Variants in PALM2AKAP2 observed in about 807,000 individuals in gnomAD.
PALM2AKAP2 encodes the protein PALM2 and AKAP2 fusion.
A neutral mutation model predicts 71.5 loss-of-function variants in PALM2AKAP2; 37 were observed. The ratio of observed to expected loss-of-function variants is 0.52; its 90% CI spans 0.40 to 0.68. PALM2AKAP2 has a LOEUF of 0.68. PALM2AKAP2 is among the 30% of genes least tolerant of loss of function. PALM2AKAP2 has a pLI of 0.00. For synonymous variants in PALM2AKAP2, 468 were observed against 478.8 expected, an observed-to-expected ratio of 0.98 and a Z score of 0.29; for missense variants, 1,224 against 1,191.8, an observed-to-expected ratio of 1.03 and a Z score of -0.40.
intron 1 of PALM2AKAP2, among the ~76,000 whole-genome samples, chr9:109,826,584 A>G (rs1009434259): frequency 3.3e-5 from 5 of 152,370 alleles, no homozygotes; most frequent in Admixed American, 1.3e-4. Context: ...TTGATACATT[A>G]TAATTACTTC....
chr9:110,052,422 C>T (rs1318023988), intron 1 of PALM2AKAP2, among the ~76,000 whole-genome samples: 1 of 152,174 alleles, frequency 6.6e-6, no homozygotes, highest in African/African-American at 2.4e-5. Context: ...AAATAATCCC[C>T]TCTATGAACA....
intron 1 of PALM2AKAP2, among the ~76,000 whole-genome samples, chr9:109,718,320 T>C (rs1828358323): frequency 6.6e-6 from 1 of 152,166 alleles, no homozygotes; most frequent in South Asian, 2.1e-4. Flanking sequence ...GCTCAAGAGA[T>C]CCACCTGCCT....
intron 1 of PALM2AKAP2, among the ~76,000 whole-genome samples, chr9:109,859,706 G>A (rs1019305932): frequency 1.3e-5 from 2 of 152,214 alleles, no homozygotes; most frequent in Non-Finnish European, 2.9e-5. Context: ...TCCAAACTAA[G>A]GGATGAGGAA....
At chr9:109,803,757 A>G (rs559114157) in intron 1 of PALM2AKAP2, among the ~76,000 whole-genome samples, 99 of 152,312 alleles carry the variant, frequency 6.5e-4, no homozygotes, top group African/African-American at 2.2e-3. Flanking sequence ...CCTCCACCCT[A>G]GTAGACACCT....
At chr9:109,704,991 CTTGG>C (rs1828121007) in intron 1 of PALM2AKAP2, among the ~76,000 whole-genome samples, 1 of 152,182 alleles carries the variant, frequency 6.6e-6, no homozygotes, top group African/African-American at 2.4e-5. Context: ...GCTGCAGGAC[CTTGG>C]TTGCATTTCC....
At chr9:109,726,912 A>G (rs1035126561) in intron 1 of PALM2AKAP2, among the ~76,000 whole-genome samples, 5 of 152,242 alleles carry the variant, frequency 3.3e-5, no homozygotes, top group African/African-American at 7.2e-5. Flanking sequence ...CAAACCGGAC[A>G]GTGAGATTTA....
At chr9:110,136,545 C>G in exon 2 of PALM2AKAP2, 1 of 1,613,488 alleles carries the variant, frequency 6.2e-7, no homozygotes, top group Non-Finnish European at 8.5e-7. Flanking sequence ...CCAGAACCCA[C>G]TGAAAGAACA....
rs1181394140 is a variant in PALM2AKAP2, at chr9:109,783,844, T to C, written c.45+3311T>C. Among the ~76,000 whole-genome samples the C allele has an allele frequency of 6.6e-5, 10 of 152,224 alleles. 1 individual carries two copies. The highest frequency in any genetic ancestry group is 3.9e-4 in the Admixed American group (6 of 15,288). ...TATTTCACCTTTTGCACATAATTTC[T>C]TGAAGGACAGATGTCCTGATACCTA... On this transcript the variant is annotated intron_variant, in intron 1 of 9. Coordinates refer to the PALM2AKAP2 transcript ENST00000302798.
chr9:109,872,999 A>G (rs1829639860), intron 2 of PALM2AKAP2, among the ~76,000 whole-genome samples: 1 of 152,230 alleles, frequency 6.6e-6, no homozygotes, highest in Non-Finnish European at 1.5e-5. Flanking sequence ...ACTGAAGCAT[A>G]TAACAAAATC....
chr9:110,146,664 A>G (rs1488863554), intron 2 of PALM2AKAP2, among the ~76,000 whole-genome samples: 1 of 152,126 alleles, frequency 6.6e-6, no homozygotes, highest in East Asian at 1.9e-4. Context: ...GCAGAATATG[A>G]CTGTGTCTTT....
At chr9:109,817,965 A>G (rs767599095) in intron 1 of PALM2AKAP2, among the ~76,000 whole-genome samples, 1 of 152,220 alleles carries the variant, frequency 6.6e-6, no homozygotes, top group African/African-American at 2.4e-5. Flanking sequence ...GATCTCCCAC[A>G]TGTTCCTCTG....
chr9:109,999,053 GTC>G (rs1398209003), intron 6 of PALM2AKAP2, among the ~76,000 whole-genome samples: 8 of 152,060 alleles, frequency 5.3e-5, no homozygotes, highest in African/African-American at 1.9e-4. Context: ...AGTGCTCAGG[GTC>G]TGGCTGGGCA....
At chr9:109,791,641 G>A (rs1361202338) in intron 1 of PALM2AKAP2, among the ~76,000 whole-genome samples, 2 of 152,202 alleles carry the variant, frequency 1.3e-5, no homozygotes, top group Non-Finnish European at 2.9e-5. Context: ...CCTGCTGAAT[G>A]CCTTATGTTA....
intron 1 of PALM2AKAP2, among the ~76,000 whole-genome samples, chr9:110,135,216 C>T (rs1835832708): frequency 9.9e-6 from 1 of 100,674 alleles, no homozygotes; most frequent in South Asian, 4.0e-4. Context: ...TGGCACACAC[C>T]GGTAGTCCCA....
intron 6 of PALM2AKAP2, chr9:109,944,963 A>G (rs1831468533): frequency 6.6e-6 from 1 of 152,208 alleles, no homozygotes; most frequent in Non-Finnish European, 1.5e-5. Context: ...CACAGTATAT[A>G]GTTTTGAAAA....
intron 6 of PALM2AKAP2, among the ~76,000 whole-genome samples, chr9:109,984,805 A>C (rs1041119681): frequency 6.6e-6 from 1 of 151,532 alleles, no homozygotes; most frequent in East Asian, 1.9e-4. Flanking sequence ...CAGGAGTTCG[A>C]GGTTTACAAA....
chr9:109,764,195 A>G (rs1829107944), intron 1 of PALM2AKAP2, among the ~76,000 whole-genome samples: 1 of 152,092 alleles, frequency 6.6e-6, no homozygotes, highest in African/African-American at 2.4e-5. Flanking sequence ...TTTCCAAAAC[A>G]TCTTCCTCTT....
intron 1 of PALM2AKAP2, among the ~76,000 whole-genome samples, chr9:110,063,692 C>T (rs1350112067): frequency 6.6e-6 from 1 of 152,164 alleles, no homozygotes; most frequent in African/African-American, 2.4e-5. Flanking sequence ...GATCCACCCA[C>T]GTTAGCCTCC....
intron 2 of PALM2AKAP2, among the ~76,000 whole-genome samples, chr9:109,875,779 A>G (rs1245974484): frequency 6.6e-6 from 1 of 152,192 alleles, no homozygotes; most frequent in African/African-American, 2.4e-5. Context: ...GTCCTTATGC[A>G]TACTGAAGTT....
Sources: allele counts gnomAD v4.1 joint callset (sites outside exome capture counted in the v4.1 genomes callset), GRCh38; gene constraint gnomAD v4.1.1; transcripts MANE v1.5; gene names NCBI Gene and HGNC (gene_info 2026-07-23, HGNC 2026-07-21).